GIPC2: variants seen among roughly 807,000 people sequenced by gnomAD.
The protein encoded by GIPC2 is PDZ domain-containing protein GIPC2.
A neutral mutation model predicts 30.6 loss-of-function variants in GIPC2; 30 were observed. That is an observed-to-expected ratio of 0.98 (90% CI 0.73 to 1.33). The LOEUF is 1.33. Ranked by LOEUF, GIPC2 falls within the 40% of genes most tolerant of loss-of-function variation. The pLI is 0.00. For missense variants in GIPC2, 414 were observed against 390.3 expected (o/e 1.06, Z -0.51); for synonymous variants, 167 against 150.0 (o/e 1.11, Z -0.83).
At position 78,137,406 on chromosome 1, in the gene GIPC2, A is replaced by C. The variant is rs1663025955; in HGVS notation, c.*1663A>C. 6.6e-6 allele frequency: 1 copy of C among 152,208 alleles called. No individual in the cohort carries two copies. The highest frequency in any genetic ancestry group is 2.4e-5 in the African/African-American group (1 of 41,464). 9.4% of individuals were successfully genotyped at this position (152,208 alleles called of 1,614,324 possible). On this transcript the variant is annotated 3_prime_UTR_variant, in exon 6 of 6. Coordinates refer to ENST00000370759, the MANE Select transcript of GIPC2 (RefSeq NM_017655.6). ...ACATTCTCGTTTAAACAACAACAAC[A>C]AAATAAATTTATCAGCACTAGATAT...
At chr1:78,091,574 G>A (rs992437823) in intron 2 of GIPC2, 2 of 757,708 alleles carry the variant, frequency 2.6e-6, no homozygotes, top group Non-Finnish European at 5.0e-6. Context: ...CAACCTCTCG[G>A]CCAAGTCCTT....
At chr1:78,125,804 A>C (rs1215178612) in intron 4 of GIPC2, 77 bp from the exon 5 acceptor site, 3 of 763,872 alleles carry the variant, frequency 3.9e-6, no homozygotes, top group Admixed American at 4.1e-5. Flanking sequence ...GCTCCACATC[A>C]GGCTTTCTCT....
Position 78,125,892 on chromosome 1 carries a change from C to A in GIPC2, c.726C>A (p.Thr242=). The change falls in exon 5 of 6, where the codon ACC becomes ACA. Residue 242 remains threonine, a synonymous_variant. Transcript: ENST00000370759. ...CTTTTTTGATAAAGCCTTCTGAAAC[C>A]AAAGCAAAGGCAATTGAAAAGATTG... The part of the protein sequence containing the change: ...PATVEEMPSE[T]KAKAIEKIDD... The A allele has an allele frequency of 1.9e-6, 3 of 1,573,148 alleles. No homozygotes were observed. Among genetic ancestry groups the A allele is most frequent in the South Asian group, 2.2e-5 (2 of 90,118 alleles).
intron 5 of GIPC2, among the ~76,000 whole-genome samples, chr1:78,131,454 C>G (rs1038369282): frequency 2.5e-4 from 38 of 152,080 alleles, no homozygotes; most frequent in Non-Finnish European, 2.9e-5. Context: ...GTGATCCACC[C>G]GCCTCGGCCT....
intron 3 of GIPC2, among the ~76,000 whole-genome samples, chr1:78,115,874 C>T (rs937436567): frequency 6.6e-6 from 1 of 152,146 alleles, no homozygotes; most frequent in Non-Finnish European, 1.5e-5. Flanking sequence ...GAATATAGGT[C>T]AAAATTAATA....
intron 3 of GIPC2, among the ~76,000 whole-genome samples, chr1:78,096,209 G>C (rs1662134417): frequency 6.6e-6 from 1 of 152,166 alleles, no homozygotes; most frequent in South Asian, 2.1e-4. Context: ...CTGTGATTCT[G>C]CCTGGTGCCT....
At chr1:78,084,510 C>CAAAA (rs11432277) in intron 2 of GIPC2, among the ~76,000 whole-genome samples, 1 of 128,962 alleles carries the variant, frequency 7.8e-6, no homozygotes, top group Non-Finnish European at 1.6e-5. Flanking sequence ...GACTCTGTCT[C>CAAAA]AAAAAAAAAA....
intron 1 of GIPC2, among the ~76,000 whole-genome samples, chr1:78,068,218 T>C (rs771627110): frequency 6.6e-6 from 1 of 152,216 alleles, no homozygotes; most frequent in Non-Finnish European, 1.5e-5. Context: ...TGTTTCAGCA[T>C]ATAATTCTGT....
chr1:78,046,891 C>G (rs531870125), intron 1 of GIPC2, among the ~76,000 whole-genome samples: 4 of 152,312 alleles, frequency 2.6e-5, no homozygotes, highest in Admixed American at 2.0e-4. Context: ...TTCCCCCAAT[C>G]TGTCATTTCT....
intron 5 of GIPC2, among the ~76,000 whole-genome samples, chr1:78,129,153 A>C (rs1417400953): frequency 1.3e-5 from 2 of 152,208 alleles, no homozygotes; most frequent in African/African-American, 4.8e-5. Context: ...ATCTGTAACA[A>C]ATTCCTCTAA....
chr1:78,072,414 C>T (rs1390006549), intron 1 of GIPC2, among the ~76,000 whole-genome samples: 2 of 152,110 alleles, frequency 1.3e-5, no homozygotes, highest in South Asian at 2.1e-4. Context: ...TGATATGACA[C>T]ATTTACCAAA....
rs1283931696 is a variant in GIPC2, at chr1:78,119,438, T to C, written c.653T>C (p.Ile218Thr). 3 of 1,613,072 alleles carry C rather than the reference T, an allele frequency of 1.9e-6. No homozygotes were observed. The highest frequency in any genetic ancestry group is 2.7e-5 in the African/African-American group (2 of 74,860). ...GCTGGAAAGTCATCAGGAGAAAAAATTGGTTGTGGAAGGGCAACACTTCGC... is the reference window on the plus strand; with the variant it reads ...GCTGGAAAGTCATCAGGAGAAAAAACTGGTTGTGGAAGGGCAACACTTCGC... ...SKAGKSSGEK[I>T]GCGRATLRLR... is the part of the protein sequence containing the mutation. The change falls in exon 4 of 6, where the codon ATT (isoleucine) becomes ACT (threonine). Residue 218 changes from isoleucine to threonine, a missense_variant. Coordinates refer to ENST00000370759, the MANE Select transcript of GIPC2 (RefSeq NM_017655.6).
chr1:78,137,377 A>G lies in GIPC2; in HGVS notation c.*1634A>G, dbSNP rs951043156. ...GCATAAGATGACTTAGGAGGCCCAT[A>G]GAAACATTCTCGTTTAAACAACAAC... is the stretch of plus-strand genomic sequence containing the variant. On this transcript the variant is annotated 3_prime_UTR_variant, in exon 6 of 6. Coordinates refer to ENST00000370759, the MANE Select transcript of GIPC2 (RefSeq NM_017655.6). 3 of 152,218 alleles carry G rather than the reference A, an allele frequency of 2.0e-5. No homozygotes were observed. The highest frequency in any genetic ancestry group is 2.9e-5 in the Non-Finnish European group (2 of 68,030). The allele number at this position is 152,218 out of a possible 1,614,324, so 9.4% of individuals were successfully genotyped here. A position where few individuals can be genotyped will look rare whatever the true frequency, so the allele number is the denominator to read the frequency against.
intron 5 of GIPC2, among the ~76,000 whole-genome samples, chr1:78,132,955 A>T (rs368906710): frequency 1.3e-5 from 2 of 152,300 alleles, no homozygotes; most frequent in East Asian, 3.9e-4. Context: ...AAAGAGTTAA[A>T]ATGGTAGAGT....
intron 4 of GIPC2, among the ~76,000 whole-genome samples, chr1:78,120,890 TCAGCACTAAA>T (rs1258197988): frequency 6.6e-6 from 1 of 152,148 alleles, no homozygotes; most frequent in African/African-American, 2.4e-5. Flanking sequence ...CCAAACCATA[TCAGCACTAAA>T]CACACTAGGA....
intron 1 of GIPC2, among the ~76,000 whole-genome samples, chr1:78,067,370 A>G (rs1385235115): frequency 6.6e-6 from 1 of 152,186 alleles, no homozygotes; most frequent in East Asian, 1.9e-4. Flanking sequence ...CAATGGTACA[A>G]TGGTTCAATA....
intron 2 of GIPC2, among the ~76,000 whole-genome samples, chr1:78,084,392 T>A (rs1327905764): frequency 6.6e-6 from 1 of 151,948 alleles, no homozygotes; most frequent in African/African-American, 2.4e-5. Flanking sequence ...ACACCTGTAA[T>A]TCCAGCTACT....
In GIPC2 at chr1:78,125,953, A is replaced by G; in HGVS notation, c.787A>G (p.Ile263Val). Residue 263 changes from isoleucine to valine, a missense_variant, in exon 5 of 6, where the codon ATT becomes GTT. Ile to Val is a conservative substitution (Grantham distance 29, BLOSUM62 3). Coordinates refer to ENST00000370759, the MANE Select transcript of GIPC2 (RefSeq NM_017655.6). ...TGAGTTGTACATGGGAATTCGAGAT[A>G]TTGATTTAGGTAAGATTATACTATT... Reference protein sequence around the residue: ...VLELYMGIRDIDLATTMFEAG... With the variant: ...VLELYMGIRDVDLATTMFEAG... 1 of 1,489,018 alleles carries G rather than the reference A, an allele frequency of 6.7e-7. No individual in the cohort carries two copies. Among genetic ancestry groups the G allele is most frequent in the Non-Finnish European group, 9.4e-7 (1 of 1,066,394 alleles). 92.2% of individuals were successfully genotyped at this position (1,489,018 alleles called of 1,614,324 possible).
intron 2 of GIPC2, among the ~76,000 whole-genome samples, chr1:78,093,179 A>G (rs1662071254): frequency 6.6e-6 from 1 of 152,184 alleles, no homozygotes; most frequent in African/African-American, 2.4e-5. Flanking sequence ...AGATTATTGA[A>G]TTCTTTGATG....
Sources: allele counts gnomAD v4.1 joint callset (sites outside exome capture counted in the v4.1 genomes callset), GRCh38; gene constraint gnomAD v4.1.1; transcripts MANE v1.5; gene names NCBI Gene and HGNC (gene_info 2026-07-23, HGNC 2026-07-21).